GLRA3: variants seen among roughly 807,000 people sequenced by gnomAD.
GLRA3 encodes glycine receptor alpha 3, also known as glycine receptor subunit alpha-3.
GLRA3 carries 44 observed loss-of-function variants against 60.4 expected under a neutral mutation model. The observed-to-expected ratio is 0.73, with a 90% CI of 0.57 to 0.94. The LOEUF is 0.94. GLRA3 is among the 40% of genes least tolerant of loss of function. GLRA3 has a pLI of 0.00. For synonymous variants in GLRA3, 223 were observed against 192.9 expected (o/e 1.16, Z -1.29); for missense variants, 508 against 564.6 (o/e 0.90, Z 1.02).
intron 3 of GLRA3, among the ~76,000 whole-genome samples, chr4:174,759,042 T>C (rs1737839485): frequency 6.6e-6 from 1 of 152,138 alleles, no homozygotes; most frequent in Non-Finnish European, 1.5e-5. Flanking sequence ...AGGATATTTA[T>C]AGCAAACTCA....
In GLRA3 at chr4:174,637,680, T is replaced by C. The variant is rs1732529315; in HGVS notation, c.*6106A>G. On this transcript the variant is annotated 3_prime_UTR_variant, in exon 10 of 10. Transcript: ENST00000274093. ...CCCTGTACTTTTGTTATAGCTTTAC[T>C]CTAAAAACACACAATATGGTTAATA... 1 of 152,238 alleles carries C rather than the reference T, an allele frequency of 6.6e-6. No individual in the cohort carries two copies. The highest frequency in any genetic ancestry group is 2.1e-4 in the South Asian group (1 of 4,832). 9.4% of individuals were successfully genotyped at this position (152,238 alleles called of 1,614,324 possible).
Position 174,759,856 on chromosome 4 carries a change from G to C in GLRA3, c.267+7107C>G, listed in dbSNP as rs759663762. Among the ~76,000 whole-genome samples the C allele has an allele frequency of 5.9e-5, 9 of 152,178 alleles. No individual in the cohort carries two copies. In the South Asian group the frequency reaches 1.4e-3, roughly 25 times the overall value. ...TACATGTACGTATACATATACAACT[G>C]TACAAAACTCCAAGGGGACTAAAAC... On this transcript the variant is annotated intron_variant, in intron 3 of 9. Transcript: ENST00000274093.
intron 8 of GLRA3, among the ~76,000 whole-genome samples, chr4:174,657,211 A>G (rs1255083121): frequency 6.6e-6 from 1 of 152,146 alleles, no homozygotes; most frequent in Non-Finnish European, 1.5e-5. Context: ...TTTGGTAAAA[A>G]TAATTTTTTA....
At chr4:174,682,755 C>A in intron 6 of GLRA3, 47 bp downstream of exon 6, 1 of 1,393,214 alleles carries the variant, frequency 7.2e-7, no homozygotes, top group East Asian at 2.3e-5. Flanking sequence ...ATCTGGATAT[C>A]ATAAAACCAC....
chr4:174,754,715 G>C (rs762551701), intron 3 of GLRA3, among the ~76,000 whole-genome samples: 4 of 152,044 alleles, frequency 2.6e-5, no homozygotes, highest in Admixed American at 1.3e-4. Flanking sequence ...GAAAAAAATG[G>C]ACTTTTCTTC....
intron 3 of GLRA3, among the ~76,000 whole-genome samples, chr4:174,748,762 A>T (rs1737345260): frequency 6.6e-6 from 1 of 152,186 alleles, no homozygotes; most frequent in South Asian, 2.1e-4. Context: ...GAGAATCAGA[A>T]GACAGGTTTG....
At chr4:174,722,347 G>T (rs1461685526) in intron 4 of GLRA3, among the ~76,000 whole-genome samples, 1 of 152,154 alleles carries the variant, frequency 6.6e-6, no homozygotes, top group African/African-American at 2.4e-5. Flanking sequence ...GGAATAGAGG[G>T]TCCACTTGTC....
At chr4:174,727,291 A>G (rs1736366352) in intron 4 of GLRA3, among the ~76,000 whole-genome samples, 1 of 152,186 alleles carries the variant, frequency 6.6e-6, no homozygotes, top group Admixed American at 6.5e-5. Context: ...GAATCCTACT[A>G]TTTTATCCCT....
At chr4:174,664,958 A>C (rs1733599324) in intron 7 of GLRA3, among the ~76,000 whole-genome samples, 1 of 152,170 alleles carries the variant, frequency 6.6e-6, no homozygotes, top group Non-Finnish European at 1.5e-5. Context: ...GCTTATACTC[A>C]AGTTAGAAAA....
At chr4:174,644,750 T>G (rs1288851766) in intron 9 of GLRA3, among the ~76,000 whole-genome samples, 1 of 152,298 alleles carries the variant, frequency 6.6e-6, no homozygotes, top group Admixed American at 6.5e-5. Context: ...GAACATAAAC[T>G]TTTCATAAAT....
chr4:174,716,137 C>A (rs1338339253), intron 4 of GLRA3, among the ~76,000 whole-genome samples: 1 of 152,134 alleles, frequency 6.6e-6, no homozygotes, highest in African/African-American at 2.4e-5. Flanking sequence ...CTGATGTTGT[C>A]AGTGAACATT....
rs1733301091 is a variant in GLRA3, at chr4:174,658,572, T to C, written c.1071+482A>G. 2.0e-5 allele frequency among the ~76,000 whole-genome samples: 3 copies of C among 152,260 alleles called. No individual in the cohort carries two copies. In the South Asian group the frequency reaches 6.2e-4, roughly 32 times the overall value. ...TTTCAAAAGAAATGTCTTTAGCTCA[T>C]GACAATATGCATCAAGAAGAGACCA... On this transcript the variant is annotated intron_variant, in intron 8 of 9. Coordinates refer to ENST00000274093, the MANE Select transcript of GLRA3 (RefSeq NM_006529.4).
chr4:174,800,388 T>C (rs1399795095), intron 1 of GLRA3, among the ~76,000 whole-genome samples: 1 of 152,148 alleles, frequency 6.6e-6, no homozygotes, highest in Non-Finnish European at 1.5e-5. Flanking sequence ...CACTGGCTAA[T>C]TAATTCAGGA....
chr4:174,682,597 G>C (rs989773597), intron 6 of GLRA3, among the ~76,000 whole-genome samples: 3 of 152,096 alleles, frequency 2.0e-5, no homozygotes, highest in Non-Finnish European at 2.9e-5. Flanking sequence ...TGAACACCAA[G>C]CATTACTTTC....
chr4:174,642,538 C>CA lies in GLRA3; in HGVS notation c.*1247dup, dbSNP rs942378858. 26 of 976,594 alleles carry CA rather than the reference C, an allele frequency of 2.7e-5. No individual in the cohort carries two copies. The highest frequency in any genetic ancestry group is 2.4e-4 in the South Asian group (5 of 21,096). 60.5% of individuals were successfully genotyped at this position (976,594 alleles called of 1,614,324 possible). On this transcript the variant is annotated 3_prime_UTR_variant, in exon 10 of 10. Coordinates refer to ENST00000274093, the MANE Select transcript of GLRA3 (RefSeq NM_006529.4). ...CATACATTTGCACCCAATTACACTG[C>CA]AAAAAACAAGTTACTAATGCTCTGT...
At chr4:174,800,191 T>A (rs887453073) in intron 1 of GLRA3, among the ~76,000 whole-genome samples, 2 of 152,116 alleles carry the variant, frequency 1.3e-5, no homozygotes, top group South Asian at 2.1e-4. Context: ...AAATGAAAGA[T>A]AGAGAATAGA....
intron 1 of GLRA3, among the ~76,000 whole-genome samples, chr4:174,813,758 A>G (rs755166817): frequency 3.9e-5 from 6 of 152,142 alleles, no homozygotes; most frequent in Non-Finnish European, 7.4e-5. Context: ...AACTATTGCT[A>G]TTAAAACTTT....
chr4:174,721,407 G>T (rs1736123722), intron 4 of GLRA3, among the ~76,000 whole-genome samples: 1 of 151,650 alleles, frequency 6.6e-6, no homozygotes, highest in African/African-American at 2.4e-5. Context: ...ATTAAGCTTG[G>T]TAGTTTGTTA....
chr4:174,659,390 A>T (rs1733348283), intron 7 of GLRA3, among the ~76,000 whole-genome samples, 193 bp from the exon 8 acceptor site: 1 of 152,026 alleles, frequency 6.6e-6, no homozygotes, highest in East Asian at 1.9e-4. Flanking sequence ...CATTTTGTTA[A>T]TTTTTTTCAA....
Sources: allele counts gnomAD v4.1 joint callset (sites outside exome capture counted in the v4.1 genomes callset), GRCh38; gene constraint gnomAD v4.1.1; transcripts MANE v1.5; gene names NCBI Gene and HGNC (gene_info 2026-07-23, HGNC 2026-07-21).